ABHD12B: variants seen among roughly 807,000 people sequenced by gnomAD.
ABHD12B encodes abhydrolase domain containing 12B, also known as protein ABHD12B.
Under a neutral mutation model 50.4 loss-of-function variants are expected in ABHD12B, and 42 were observed. The ratio of observed to expected loss-of-function variants is 0.83; its 90% CI spans 0.65 to 1.08. The LOEUF is 1.08. Among genes scored for constraint, ABHD12B ranks in the 50% least tolerant of loss-of-function variants. ABHD12B has a pLI of 0.00. For missense variants in ABHD12B, 479 were observed against 447.7 expected (o/e 1.07, Z -0.63); for synonymous variants, 167 against 160.3 (o/e 1.04, Z -0.32).
intron 8 of ABHD12B, among the ~76,000 whole-genome samples, chr14:50,887,100 G>T (rs2050051098): frequency 6.6e-6 from 1 of 151,276 alleles, no homozygotes. Flanking sequence ...TGTAATCCCA[G>T]CTACTTGGGA....
chr14:50,892,445 G>A (rs2050132570), intron 9 of ABHD12B: 1 of 985,444 alleles, frequency 1.0e-6, no homozygotes, highest in Middle Eastern at 5.2e-4. Context: ...CAAAGGGCCT[G>A]TTGTTTCTGC....
At chr14:50,896,422 C>T (rs530894517) in intron 9 of ABHD12B, among the ~76,000 whole-genome samples, 12 of 152,278 alleles carry the variant, frequency 7.9e-5, no homozygotes, top group African/African-American at 2.4e-4. Context: ...GCCAAGCCAT[C>T]GCATCCCCTG....
intron 9 of ABHD12B, 125 bp from the exon 10 acceptor site, chr14:50,901,704 T>C (rs1377184204): frequency 4.3e-6 from 2 of 470,306 alleles, no homozygotes; most frequent in East Asian, 3.7e-5. Flanking sequence ...AGAAGTTTTT[T>C]GTGAAGTTTA....
At chr14:50,898,311 T>C (rs1179643434) in intron 9 of ABHD12B, among the ~76,000 whole-genome samples, 2 of 152,230 alleles carry the variant, frequency 1.3e-5, no homozygotes, top group Non-Finnish European at 2.9e-5. Flanking sequence ...CTACATCTTC[T>C]AATTGCAGGC....
rs1417294322 is a variant in ABHD12B, at chr14:50,884,714, T to C, written c.487-900T>C. Reference sequence around the variant, plus strand: ...GATTGTATTTCTTCTTTTTTTTTTTTTTTTTTTTTTTTTTTTTTTTGAGAC... The same window carrying C: ...GATTGTATTTCTTCTTTTTTTTTTTCTTTTTTTTTTTTTTTTTTTTGAGAC... On this transcript the variant is annotated intron_variant, in intron 5 of 12. Coordinates refer to ENST00000337334, the MANE Select transcript of ABHD12B (RefSeq NM_001206673.2). Among the ~76,000 whole-genome samples, 978 of 129,732 alleles carry C rather than the reference T, an allele frequency of 7.5e-3. 127 individuals are homozygous for C. The highest frequency in any genetic ancestry group is 0.023 in the African/African-American group (734 of 32,498). 85.1% of individuals were successfully genotyped at this position (129,732 alleles called of 152,430 possible). A position where few individuals can be genotyped will look rare whatever the true frequency, so the allele number is the denominator to read the frequency against.
At chr14:50,899,837 G>A (rs1414167437) in intron 9 of ABHD12B, among the ~76,000 whole-genome samples, 1 of 151,388 alleles carries the variant, frequency 6.6e-6, no homozygotes, top group African/African-American at 2.4e-5. Context: ...CAGGAGAATT[G>A]CTTGAACCCA....
intron 3 of ABHD12B, among the ~76,000 whole-genome samples, 166 bp downstream of exon 3, chr14:50,879,013 T>C (rs1236773304): frequency 3.3e-5 from 5 of 152,224 alleles, no homozygotes; most frequent in African/African-American, 1.2e-4. Flanking sequence ...TTGATTTTCC[T>C]AAGAATTTTG....
chr14:50,877,016 A>G (rs1421646685), intron 1 of ABHD12B, among the ~76,000 whole-genome samples: 1 of 152,146 alleles, frequency 6.6e-6, no homozygotes, highest in Non-Finnish European at 1.5e-5. Context: ...AGGTGTCCTT[A>G]GTGACCCCTC....
In ABHD12B at chr14:50,904,200, T is replaced by A. The variant is rs755937377; in HGVS notation, c.1061+8T>A. On this transcript the variant is annotated splice_region_variant and intron_variant, in intron 12 of 12. Transcript: ENST00000337334. ...ACTGTTAATAACCGTGAGGTAAGAGTTGCTTTGCTAAATGTATGTTGCCCT... is the reference window on the plus strand; with the variant it reads ...ACTGTTAATAACCGTGAGGTAAGAGATGCTTTGCTAAATGTATGTTGCCCT... 1 of 1,613,972 alleles carries A rather than the reference T, an allele frequency of 6.2e-7. No individual in the cohort carries two copies. The highest frequency in any genetic ancestry group is 1.1e-5 in the South Asian group (1 of 91,076).
intron 9 of ABHD12B, among the ~76,000 whole-genome samples, chr14:50,894,866 G>A (rs368463412): frequency 6.7e-6 from 1 of 148,156 alleles, no homozygotes; most frequent in East Asian, 1.9e-4. Context: ...TCGCCAGGCC[G>A]AGCTAGGCCT....
chr14:50,885,133 A>G (rs536217278), intron 5 of ABHD12B, among the ~76,000 whole-genome samples: 2 of 152,170 alleles, frequency 1.3e-5, no homozygotes, highest in African/African-American at 4.8e-5. Flanking sequence ...CCAGCGTGAG[A>G]CCCCGGGTGT....
At chr14:50,893,829 T>C (rs1370960796) in intron 9 of ABHD12B, 1 of 152,964 alleles carries the variant, frequency 6.5e-6, no homozygotes, top group Non-Finnish European at 1.5e-5. Context: ...CCTTTCAATC[T>C]TGGCACCACA....
intron 5 of ABHD12B, among the ~76,000 whole-genome samples, chr14:50,884,660 C>CCTTTTTTA (rs2050008316): frequency 6.6e-6 from 1 of 151,046 alleles, no homozygotes; most frequent in African/African-American, 2.4e-5. Flanking sequence ...AAAATTTTGT[C>CCTTTTTTA]CTTTTTTATC....
intron 7 of ABHD12B, 129 bp from the exon 8 acceptor site, chr14:50,886,518 G>A (rs113033362): frequency 0.066 from 47,453 of 723,950 alleles, 2,433 homozygotes; most frequent in Admixed American, 0.13. Flanking sequence ...TTTAAATAGC[G>A]TGCAAATTTT....
chr14:50,894,922 C>T (rs1209467503), intron 9 of ABHD12B, among the ~76,000 whole-genome samples: 6 of 149,020 alleles, frequency 4.0e-5, no homozygotes, highest in Admixed American at 1.3e-4. Flanking sequence ...ATCTTTTTAT[C>T]GCCTCCCCTC....
chr14:50,894,048 G>A (rs879108569), intron 9 of ABHD12B, among the ~76,000 whole-genome samples: 1 of 152,212 alleles, frequency 6.6e-6, no homozygotes, highest in Non-Finnish European at 1.5e-5. Flanking sequence ...GCCTGCCTTG[G>A]TCCTTCACCC....
intron 2 of ABHD12B, 80 bp downstream of exon 2, chr14:50,878,159 G>C (rs1021858587): frequency 8.2e-7 from 1 of 1,217,666 alleles, no homozygotes; most frequent in Non-Finnish European, 1.1e-6. Flanking sequence ...TTGTGACGTA[G>C]TGAAAAGACA....
intron 1 of ABHD12B, among the ~76,000 whole-genome samples, chr14:50,875,753 C>T (rs571770125): frequency 3.3e-5 from 5 of 152,316 alleles, no homozygotes; most frequent in African/African-American, 1.2e-4. Flanking sequence ...AGGATCTGGT[C>T]ACTCTGTTCT....
chr14:50,876,625 A>G (rs1263951645), intron 1 of ABHD12B, among the ~76,000 whole-genome samples: 3 of 152,196 alleles, frequency 2.0e-5, no homozygotes, highest in Non-Finnish European at 2.9e-5. Flanking sequence ...AGACTGTGAC[A>G]TCCTGGAGAT....
Sources: gnomAD v4.1 joint callset for allele counts (sites outside exome capture counted in the v4.1 genomes callset) on GRCh38, gnomAD v4.1.1 for gene constraint, MANE v1.5 for transcripts, NCBI Gene and HGNC (gene_info 2026-07-23, HGNC 2026-07-21) for gene names.